The following ANK1 variants were observed in gnomAD, a reference collection of about 807,000 sequenced individuals.
ANK1 encodes the protein ankyrin 1.
In ANK1, 51 loss-of-function variants were observed where a neutral mutation model predicts 210.4. The observed-to-expected ratio is 0.24, with a 90% CI of 0.19 to 0.31. The LOEUF (loss-of-function observed/expected upper bound fraction) is 0.31, where lower values mean the gene tolerates loss of function less well. ANK1 is among the 10% of genes least tolerant of loss of function. The probability of loss-of-function intolerance (pLI) is 1.00; values close to 1 mark genes in which losing one functional copy is unlikely to be tolerated. For synonymous variants in ANK1, 967 were observed against 1,025.9 expected (o/e 0.94, Z 1.10); for missense variants, 2,051 against 2,504.4 (o/e 0.82, Z 3.86).
intron 1 of ANK1, among the ~76,000 whole-genome samples, chr8:41,835,280 C>T (rs371027945): frequency 1.3e-4 from 20 of 152,186 alleles, no homozygotes; most frequent in African/African-American, 4.3e-4. Context: ...TGGTGAAACC[C>T]GTTTCTACTA....
At chr8:41,756,533 C>T (rs977269397) in intron 2 of ANK1, among the ~76,000 whole-genome samples, 2 of 151,860 alleles carry the variant, frequency 1.3e-5, no homozygotes, top group Admixed American at 6.6e-5. Flanking sequence ...ACCTCCGCCT[C>T]CTGGGTTCAA....
intron 1 of ANK1, among the ~76,000 whole-genome samples, chr8:41,760,034 A>G (rs1317029497): frequency 6.6e-6 from 1 of 152,168 alleles, no homozygotes; most frequent in Non-Finnish European, 1.5e-5. Flanking sequence ...CTTAAATGAG[A>G]GTGAAGCTCT....
chr8:41,870,564 C>T (rs921574537), intron 1 of ANK1, among the ~76,000 whole-genome samples: 4 of 152,172 alleles, frequency 2.6e-5, no homozygotes, highest in Admixed American at 2.0e-4. Flanking sequence ...ACGGAAGGAG[C>T]TGTATGAGAA....
intron 1 of ANK1, among the ~76,000 whole-genome samples, chr8:41,783,382 C>T (rs1845711510): frequency 6.6e-6 from 1 of 152,194 alleles, no homozygotes; most frequent in Non-Finnish European, 1.5e-5. Context: ...CTACCCCACC[C>T]TTTCCCGGGT....
At chr8:41,827,190 T>C (rs1805532747) in intron 1 of ANK1, among the ~76,000 whole-genome samples, 1 of 152,252 alleles carries the variant, frequency 6.6e-6, no homozygotes, top group Non-Finnish European at 1.5e-5. Context: ...TTTGTTTCTA[T>C]GCAAAAGTGA....
At chr8:41,800,255 A>G (rs1849653413), upstream of ANK1, among the ~76,000 whole-genome samples, 1 of 152,156 alleles carries the variant, frequency 6.6e-6, no homozygotes, top group African/African-American at 2.4e-5. Context: ...TACTTTAAGC[A>G]CTTGACAAAA....
At chr8:41,719,266 C>T (rs1233269982) in intron 10 of ANK1, among the ~76,000 whole-genome samples, 1 of 152,146 alleles carries the variant, frequency 6.6e-6, no homozygotes, top group African/African-American at 2.4e-5. Context: ...CAGCTCTGGC[C>T]ATCTCATTCA....
At chr8:41,728,079 G>T in intron 3 of ANK1, 73 bp from the exon 4 acceptor site, 1 of 1,491,126 alleles carries the variant, frequency 6.7e-7, no homozygotes, top group Non-Finnish European at 9.3e-7. Context: ...AAGGTCTGTG[G>T]ACAGGTGCTG....
rs759359556 is a variant in ANK1, at chr8:41,694,632, G to A, written c.3287C>T (p.Pro1096Leu). 1.5e-5 allele frequency: 25 copies of A among 1,613,914 alleles called. No individual in the cohort carries two copies. Among genetic ancestry groups the A allele is most frequent in the African/African-American group, 1.1e-4 (8 of 74,924 alleles). ...KLVPLVQATFPENAVTKRVKL... is the reference protein window; with the variant it reads ...KLVPLVQATFLENAVTKRVKL... ...CACTCTCTTGGTGACGGCATTCTCC[G>A]GGAACGTTGCCTGTACCAGGGGCAC... Residue 1096 changes from proline (P) to leucine (L), a missense_variant, in exon 28 of 43, where the codon CCG becomes CTG. By Grantham distance (98) the Pro-to-Leu change is moderately conservative (BLOSUM62 -3). Around this residue, in one of 6 missense-constraint regions of ANK1, gnomAD observed 1,413 missense variants for 1,707.4 expected, o/e 0.83. Transcript: ENST00000289734. This position sits in a 1 kb window ranked among gnomAD's most constrained non-coding sequence, Gnocchi z 5.7.
chr8:41,679,739 T>A (rs967246176), intron 37 of ANK1, among the ~76,000 whole-genome samples: 1 of 151,044 alleles, frequency 6.6e-6, no homozygotes, highest in Admixed American at 6.6e-5. Context: ...ATTTTTTTTG[T>A]ATTTTTAGTA....
chr8:41,768,225 T>C (rs910864710), intron 1 of ANK1, among the ~76,000 whole-genome samples: 1 of 152,184 alleles, frequency 6.6e-6, no homozygotes, highest in South Asian at 2.1e-4. Flanking sequence ...TTCAGAGGGA[T>C]GAGGGAACCG....
At chr8:41,822,302 T>C (rs2150790668) in intron 1 of ANK1, among the ~76,000 whole-genome samples, 1 of 152,288 alleles carries the variant, frequency 6.6e-6, no homozygotes, top group Non-Finnish European at 1.5e-5. Flanking sequence ...CATATACACG[T>C]CCAAGCTCAC....
intron 1 of ANK1, among the ~76,000 whole-genome samples, chr8:41,814,392 C>T (rs1802996247): frequency 6.6e-6 from 1 of 151,354 alleles, no homozygotes; most frequent in African/African-American, 2.4e-5. Flanking sequence ...CTCCTGGGCT[C>T]ATTCATTTGC....
chr8:41,667,825 G>A (rs61420991), intron 39 of ANK1, among the ~76,000 whole-genome samples: 1,737 of 152,296 alleles, frequency 0.011, 30 homozygotes, highest in African/African-American at 0.039. Context: ...TCCTTTACCA[G>A]TGAGGACCCT....
At chr8:41,724,621 G>A (rs1830206794) in intron 6 of ANK1, 67 bp from the exon 7 acceptor site, 1 of 1,456,908 alleles carries the variant, frequency 6.9e-7, no homozygotes. Context: ...ATCAGCCCTG[G>A]GATGCAGGAA....
chr8:41,816,060 A>C (rs935221968), intron 1 of ANK1, among the ~76,000 whole-genome samples: 6 of 152,250 alleles, frequency 3.9e-5, no homozygotes, highest in Non-Finnish European at 5.9e-5. Context: ...AAGTCCATTT[A>C]TAAACCTTTA....
intron 2 of ANK1, among the ~76,000 whole-genome samples, chr8:41,753,131 C>T (rs1283645815): frequency 6.8e-6 from 1 of 146,376 alleles, no homozygotes; most frequent in African/African-American, 2.5e-5. Context: ...GGCTCGATCT[C>T]GGCTCACCAC....
chr8:41,661,794 T>C, intron 41 of ANK1, 82 bp downstream of exon 41: 1 of 1,613,610 alleles, frequency 6.2e-7, no homozygotes, highest in South Asian at 1.1e-5. Context: ...CGCGGGCGCC[T>C]CAGTACCTTG....
At chr8:41,658,364 T>C (rs1427463092) in intron 42 of ANK1, among the ~76,000 whole-genome samples, 1 of 152,242 alleles carries the variant, frequency 6.6e-6, no homozygotes, top group Non-Finnish European at 1.5e-5. Context: ...TTTACTCTCT[T>C]CACATCAGTG....
Sources: allele counts gnomAD v4.1 joint callset (sites outside exome capture counted in the v4.1 genomes callset), GRCh38; gene constraint gnomAD v4.1.1; regional missense constraint gnomAD v4.1.1; non-coding constraint Gnocchi (gnomAD v3.1); transcripts MANE v1.5; gene names NCBI Gene and HGNC (gene_info 2026-07-23, HGNC 2026-07-21).